The following SLC44A1 variants were observed in gnomAD, a reference collection of about 807,000 sequenced individuals.
SLC44A1 encodes the protein choline transporter-like protein 1.
In SLC44A1, 26 loss-of-function variants were observed where a neutral mutation model predicts 79.3. The ratio of observed to expected loss-of-function variants is 0.33; its 90% CI spans 0.24 to 0.46. The LOEUF is 0.46. Ranked by LOEUF, SLC44A1 falls within the 20% of genes least tolerant of loss-of-function variation. The pLI, the probability that SLC44A1 is intolerant of heterozygous loss-of-function variation, is 1.00. For missense variants in SLC44A1, 688 were observed against 798.1 expected (o/e 0.86, Z 1.66); for synonymous variants, 263 against 286.2 (o/e 0.92, Z 0.82).
chr9:105,314,004 T>A (rs1396792262), intron 3 of SLC44A1, among the ~76,000 whole-genome samples: 1 of 152,170 alleles, frequency 6.6e-6, no homozygotes, highest in African/African-American at 2.4e-5. Context: ...GCTCAGGCAA[T>A]CTGTCCACCT....
At chr9:105,317,755 T>G (rs71494517) in intron 3 of SLC44A1, among the ~76,000 whole-genome samples, 2,187 of 152,298 alleles carry the variant, frequency 0.014, 18 homozygotes, top group Admixed American at 0.017. Context: ...CTCTATCTTG[T>G]GGAGTTGTAG....
intron 13 of SLC44A1, among the ~76,000 whole-genome samples, chr9:105,379,315 G>A (rs1588851372): frequency 1.3e-5 from 2 of 152,254 alleles, no homozygotes; most frequent in Middle Eastern, 3.4e-3. Flanking sequence ...AATGGAGAAT[G>A]GATTTGTGGT....
chr9:105,411,076 G>T (rs1295942560), intron 15 of SLC44A1, among the ~76,000 whole-genome samples: 1 of 152,104 alleles, frequency 6.6e-6, no homozygotes, highest in East Asian at 1.9e-4. Flanking sequence ...TTCCTTTTTG[G>T]GTAATGAAAA....
intron 3 of SLC44A1, among the ~76,000 whole-genome samples, chr9:105,319,717 C>T (rs988067223): frequency 2.6e-5 from 4 of 152,180 alleles, no homozygotes; most frequent in African/African-American, 7.2e-5. Flanking sequence ...TCCTATAAGG[C>T]TTAGAAATTA....
In SLC44A1 at chr9:105,365,502, T is replaced by C; in HGVS notation, c.1273T>C (p.Phe425Leu). 1 of 1,612,982 alleles carries C rather than the reference T, an allele frequency of 6.2e-7. No homozygotes were observed. The highest frequency in any genetic ancestry group is 8.5e-7 in the Non-Finnish European group (1 of 1,179,286). ...YFTRDKRNLP[F>L]TPILASVNRL... ...AAATAGGGATAAAAGGAATTTGCCA[T>C]TTACACCTATTTTGGCATCAGTAAA... Residue 425 changes from phenylalanine to leucine, a missense_variant, in exon 11 of 16, where the codon TTT (phenylalanine) becomes CTT (leucine). Physicochemically the swap from Phe to Leu is conservative, Grantham distance 22. Coordinates refer to ENST00000374720, the MANE Select transcript of SLC44A1 (RefSeq NM_080546.5).
intron 3 of SLC44A1, among the ~76,000 whole-genome samples, chr9:105,333,809 CAA>C (rs113936952): frequency 4.5e-5 from 6 of 133,132 alleles, no homozygotes; most frequent in Admixed American, 7.6e-5. Flanking sequence ...AACTCCATCT[CAA>C]AAAAAAAAAA....
chr9:105,320,631 C>G (rs1826363026), intron 3 of SLC44A1, among the ~76,000 whole-genome samples: 1 of 151,746 alleles, frequency 6.6e-6, no homozygotes, highest in South Asian at 2.1e-4. Flanking sequence ...TTTGGAGTGC[C>G]ATGGCTATTT....
chr9:105,278,957 C>G (rs899411197), intron 1 of SLC44A1, among the ~76,000 whole-genome samples: 1 of 152,118 alleles, frequency 6.6e-6, no homozygotes. Context: ...CAGCATTCAT[C>G]TGTTGCCAGT....
At position 105,383,671 on chromosome 9, in the gene SLC44A1, C is replaced by G. The variant is rs12336780; in HGVS notation, c.1869+312C>G. 6.6e-3 allele frequency among the ~76,000 whole-genome samples: 1,006 copies of G among 152,280 alleles called. 13 individuals are homozygous for G. The highest frequency in any genetic ancestry group is 0.023 in the African/African-American group (964 of 41,552). On this transcript the variant is annotated intron_variant, in intron 14 of 15. Coordinates refer to ENST00000374720, the MANE Select transcript of SLC44A1 (RefSeq NM_080546.5). ...TTGACTTTTTAAACTAGCTTCTAGC[C>G]TTTTCCTGAAATGGGGCTCAAAGAC...
chr9:105,283,185 G>A (rs375470024), intron 1 of SLC44A1, among the ~76,000 whole-genome samples: 1 of 152,220 alleles, frequency 6.6e-6, no homozygotes, highest in African/African-American at 2.4e-5. Context: ...AGCGGGTGCT[G>A]AAGGTTGGTT....
intron 1 of SLC44A1, among the ~76,000 whole-genome samples, chr9:105,271,858 C>T (rs2131231836): frequency 1.3e-5 from 2 of 152,332 alleles, no homozygotes; most frequent in Middle Eastern, 6.8e-3. Flanking sequence ...AGGTGATCCT[C>T]CTGCCTCGAC....
Position 105,364,623 on chromosome 9 carries a change from T to C in SLC44A1, c.1156T>C (p.Trp386Arg). 6.2e-7 allele frequency: 1 copy of C among 1,613,868 alleles called. No individual in the cohort carries two copies. Among genetic ancestry groups the C allele is most frequent in the Non-Finnish European group, 8.5e-7 (1 of 1,179,756 alleles). ...KISGPLQYMW[W>R]YHVVGLIWIS... ...TTCTGGGCCTCTGCAGTACATGTGG[T>C]GGTACCATGTGGTGGGCCTGATTTG... The change falls in exon 10 of 16, where the codon TGG (tryptophan) becomes CGG (arginine). Residue 386 changes from tryptophan to arginine, a missense_variant. Trp to Arg is a moderately radical substitution (Grantham distance 101). Coordinates refer to ENST00000374720, the MANE Select transcript of SLC44A1 (RefSeq NM_080546.5).
intron 6 of SLC44A1, among the ~76,000 whole-genome samples, chr9:105,356,986 A>T (rs1352945993): frequency 6.6e-6 from 1 of 152,212 alleles, no homozygotes; most frequent in South Asian, 2.1e-4. Flanking sequence ...ATCAGAATGT[A>T]TAGGCCTTCT....
chr9:105,298,018 T>C (rs1202675030), intron 1 of SLC44A1, among the ~76,000 whole-genome samples: 4 of 152,108 alleles, frequency 2.6e-5, no homozygotes, highest in African/African-American at 9.7e-5. Context: ...CGGGCATTTT[T>C]GTTCATTAGA....
chr9:105,279,563 G>C (rs1428412653), intron 1 of SLC44A1, among the ~76,000 whole-genome samples: 1 of 151,964 alleles, frequency 6.6e-6, no homozygotes, highest in South Asian at 2.1e-4. Context: ...TGAGCCGCCC[G>C]CCTCGGCCTC....
chr9:105,313,758 A>G (rs1831243830), intron 3 of SLC44A1, among the ~76,000 whole-genome samples: 1 of 151,414 alleles, frequency 6.6e-6, no homozygotes, highest in Non-Finnish European at 1.5e-5. Flanking sequence ...AATTATTATC[A>G]TTATTATTAT....
rs866675688 is a variant in SLC44A1 at position 105,392,391 on chromosome 9, C to T, written c.*3335C>T. 6 of 883,286 alleles carry T rather than the reference C, an allele frequency of 6.8e-6. No homozygotes were observed. The highest frequency in any genetic ancestry group is 5.7e-4 in the Middle Eastern group (1 of 1,756). The allele number at this position is 883,286 out of a possible 1,614,324, so 54.7% of individuals were successfully genotyped here. A position where few individuals can be genotyped will look rare whatever the true frequency, so the allele number is the denominator to read the frequency against. On this transcript the variant is annotated 3_prime_UTR_variant, in exon 16 of 16. Transcript: ENST00000374720. ...TGTTTTTCTTTTGTAGAGATGCTCT[C>T]TCTCTCTCTCTCTTTTTTTTTTTTT...
chr9:105,391,074 T>C lies in SLC44A1; in HGVS notation c.*2018T>C, dbSNP rs1437294495. On this transcript the variant is annotated 3_prime_UTR_variant, in exon 16 of 16. Coordinates refer to ENST00000374720, the MANE Select transcript of SLC44A1 (RefSeq NM_080546.5). ...AAACATTGGGAACTAAATTTAGAAT[T>C]GGCAAAAGTCTAGAAGATGGGTATC... is the stretch of plus-strand genomic sequence containing the variant. 6 of 985,748 alleles carry C rather than the reference T, an allele frequency of 6.1e-6. No individual in the cohort carries two copies. In the African/African-American group the frequency reaches 1.0e-4, roughly 17 times the overall value. 61.1% of individuals were successfully genotyped at this position (985,748 alleles called of 1,614,324 possible). A position where few individuals can be genotyped will look rare whatever the true frequency, so the allele number is the denominator to read the frequency against.
intron 3 of SLC44A1, among the ~76,000 whole-genome samples, chr9:105,311,976 G>A (rs1230847370): frequency 6.6e-6 from 1 of 151,882 alleles, no homozygotes; most frequent in Non-Finnish European, 1.5e-5. Flanking sequence ...GTACTTCTTT[G>A]CTTCCTTATG....
Sources: allele counts gnomAD v4.1 joint callset (sites outside exome capture counted in the v4.1 genomes callset), GRCh38; gene constraint gnomAD v4.1.1; transcripts MANE v1.5; gene names NCBI Gene and HGNC (gene_info 2026-07-23, HGNC 2026-07-21).